Variants in COL19A1 observed in about 807,000 individuals in gnomAD.
COL19A1 encodes collagen alpha-1(XIX) chain.
In COL19A1, 159 loss-of-function variants were observed where a neutral mutation model predicts 190.2. The ratio of observed to expected loss-of-function variants is 0.84; its 90% CI spans 0.73 to 0.95. The LOEUF (loss-of-function observed/expected upper bound fraction) is 0.95. Ranked by LOEUF, COL19A1 falls within the 40% of genes least tolerant of loss-of-function variation. The pLI, the probability that COL19A1 is intolerant of heterozygous loss-of-function variation, is 0.00. For missense variants in COL19A1, 1,418 were observed against 1,431.9 expected (o/e 0.99, Z 0.16); for synonymous variants, 509 against 458.9 (o/e 1.11, Z -1.39).
At chr6:69,992,503 A>T (rs1222323410) in intron 11 of COL19A1, among the ~76,000 whole-genome samples, 2 of 152,182 alleles carry the variant, frequency 1.3e-5, no homozygotes, top group Non-Finnish European at 2.9e-5. Context: ...TGTTGTTAGT[A>T]GTTTGATAGA....
chr6:70,023,552 C>A, intron 11 of COL19A1, 75 bp from the exon 12 acceptor site: 1 of 1,239,326 alleles, frequency 8.1e-7, no homozygotes, highest in South Asian at 1.4e-5. Flanking sequence ...AATACCCAAC[C>A]AACATAACTT....
In COL19A1 at chr6:69,922,476, G is replaced by A. The variant is rs191022792; in HGVS notation, c.267-5433G>A. Among the ~76,000 whole-genome samples the A allele has an allele frequency of 5.1e-5, 6 of 118,096 alleles. No homozygotes were observed. The East Asian group carries it at 1.4e-3, about 28-fold the overall frequency. 77.5% of individuals were successfully genotyped at this position (118,096 alleles called of 152,430 possible). ...AATTATCGAAAAATAATTCTATTTA[G>A]GTTTTTTTTTTTTTTTTTTTTTGAT... On this transcript the variant is annotated intron_variant, in intron 4 of 50. Transcript: ENST00000620364.
intron 39 of COL19A1, 92 bp from the exon 40 acceptor site, chr6:70,168,563 T>A (rs1765308381): frequency 8.6e-7 from 1 of 1,167,040 alleles, no homozygotes; most frequent in South Asian, 1.4e-5. Context: ...AATATTCGTA[T>A]GTGTATTAAG....
At chr6:70,171,184 G>A (rs919533654) in intron 40 of COL19A1, among the ~76,000 whole-genome samples, 9 of 152,098 alleles carry the variant, frequency 5.9e-5, no homozygotes, top group Admixed American at 5.9e-4. Flanking sequence ...ATCAGCTATC[G>A]TTAGTGTTAG....
intron 11 of COL19A1, among the ~76,000 whole-genome samples, chr6:69,966,151 G>A (rs1032627990): frequency 6.6e-6 from 1 of 152,120 alleles, no homozygotes; most frequent in African/African-American, 2.4e-5. Flanking sequence ...TCCGGGAGGT[G>A]GGGGGCAGCC....
intron 1 of COL19A1, among the ~76,000 whole-genome samples, chr6:69,870,584 A>G (rs1172593166): frequency 6.6e-6 from 1 of 152,218 alleles, no homozygotes; most frequent in Non-Finnish European, 1.5e-5. Flanking sequence ...AGGTAGCAGG[A>G]CAGGTGGTTG....
intron 25 of COL19A1, among the ~76,000 whole-genome samples, chr6:70,145,978 C>T (rs1786615788): frequency 6.6e-6 from 1 of 152,050 alleles, no homozygotes; most frequent in African/African-American, 2.4e-5. Flanking sequence ...ATCTCGGCCT[C>T]CCAAAGTGCT....
intron 11 of COL19A1, among the ~76,000 whole-genome samples, chr6:69,982,836 G>A (rs1361615891): frequency 6.6e-6 from 1 of 151,420 alleles, no homozygotes; most frequent in Non-Finnish European, 1.5e-5. Context: ...GCCGGGCTTG[G>A]TGGTGGGCGC....
chr6:70,039,823 C>A (rs1779547155), intron 14 of COL19A1, among the ~76,000 whole-genome samples: 1 of 151,106 alleles, frequency 6.6e-6, no homozygotes, highest in Admixed American at 6.6e-5. Context: ...AGTGCAGTAG[C>A]CCCATCACAG....
At chr6:70,043,213 A>G (rs1392599217) in intron 14 of COL19A1, among the ~76,000 whole-genome samples, 2 of 148,096 alleles carry the variant, frequency 1.4e-5, no homozygotes, top group Non-Finnish European at 3.0e-5. Flanking sequence ...TTTTTTTGAG[A>G]AGGAGTCTCG....
chr6:69,900,625 A>G (rs916809177), intron 4 of COL19A1, among the ~76,000 whole-genome samples: 13 of 152,286 alleles, frequency 8.5e-5, no homozygotes, highest in Admixed American at 7.8e-4. Context: ...TAAAGTAGAC[A>G]TAACCAATAT....
chr6:70,075,945 A>G (rs1490668386), intron 15 of COL19A1, among the ~76,000 whole-genome samples: 1 of 152,196 alleles, frequency 6.6e-6, no homozygotes, highest in East Asian at 1.9e-4. Context: ...TGGATTAGTA[A>G]AGGAAAAATG....
intron 2 of COL19A1, among the ~76,000 whole-genome samples, chr6:69,885,538 T>C (rs1388327077): frequency 1.3e-5 from 2 of 152,326 alleles, no homozygotes; most frequent in African/African-American, 4.8e-5. Flanking sequence ...TTTTATTGTA[T>C]TTTGTTAGTC....
At chr6:70,004,658 A>G (rs957703229) in intron 11 of COL19A1, among the ~76,000 whole-genome samples, 3 of 151,454 alleles carry the variant, frequency 2.0e-5, no homozygotes, top group Non-Finnish European at 4.4e-5. Context: ...TCCACTTCAC[A>G]AAGTGTAATG....
At chr6:70,163,212 A>G (rs914733349) in intron 35 of COL19A1, 131 bp from the exon 36 acceptor site, 10 of 780,172 alleles carry the variant, frequency 1.3e-5, no homozygotes, top group Non-Finnish European at 6.3e-6. Context: ...CAGAAGAAAC[A>G]TAAGCTTCTA....
chr6:70,156,960 A>T (rs1787477299), intron 34 of COL19A1, among the ~76,000 whole-genome samples: 2 of 152,112 alleles, frequency 1.3e-5, no homozygotes, highest in Non-Finnish European at 2.9e-5. Context: ...GTCAGTTATA[A>T]TTTTTCTGTT....
intron 16 of COL19A1, among the ~76,000 whole-genome samples, chr6:70,103,586 G>GT (rs1282986408): frequency 2.0e-5 from 3 of 151,758 alleles, no homozygotes; most frequent in African/African-American, 7.3e-5. Flanking sequence ...TCCTTCTTTT[G>GT]TAATCAGTAA....
intron 16 of COL19A1, among the ~76,000 whole-genome samples, chr6:70,108,987 A>C (rs899385399): frequency 6.6e-6 from 1 of 152,150 alleles, no homozygotes; most frequent in Non-Finnish European, 1.5e-5. Context: ...CCTATCTACT[A>C]TGTGTTAATC....
At chr6:70,031,902 G>T (rs545236580) in intron 12 of COL19A1, among the ~76,000 whole-genome samples, 1 of 151,988 alleles carries the variant, frequency 6.6e-6, no homozygotes, top group African/African-American at 2.4e-5. Flanking sequence ...CCTTGAGGAC[G>T]GGAACCTTCA....
Sources: allele counts gnomAD v4.1 joint callset (sites outside exome capture counted in the v4.1 genomes callset), GRCh38; gene constraint gnomAD v4.1.1; transcripts MANE v1.5; gene names NCBI Gene and HGNC (gene_info 2026-07-23, HGNC 2026-07-21).